Variants in DNAH5 observed in about 807,000 individuals in gnomAD.
DNAH5 encodes the protein axonemal beta dynein heavy chain 5.
A neutral mutation model predicts 518.2 loss-of-function variants in DNAH5; 372 were observed. The ratio of observed to expected loss-of-function variants is 0.72; its 90% CI spans 0.66 to 0.78. The LOEUF (loss-of-function observed/expected upper bound fraction) is 0.78. Among genes scored for constraint, DNAH5 ranks in the 30% least tolerant of loss-of-function variants. The pLI is 0.00. For missense variants in DNAH5, 5,523 were observed against 5,687.0 expected, an observed-to-expected ratio of 0.97 and a Z score of 0.93; for synonymous variants, 2,039 against 2,025.9, an observed-to-expected ratio of 1.01 and a Z score of -0.17.
chr5:13,922,082 A>T, intron 5 of DNAH5, 25 bp downstream of exon 5: 1 of 1,610,414 alleles, frequency 6.2e-7, no homozygotes, highest in Non-Finnish European at 8.5e-7. Flanking sequence ...GATCATTTTT[A>T]AAGGAACAGC....
Position 13,809,109 on chromosome 5 carries a change from G to T in DNAH5, c.7687C>A (p.Leu2563Met). Residue 2563 changes from leucine (L) to methionine (M), a missense_variant, in exon 46 of 79, where the codon CTG becomes ATG. Coordinates refer to ENST00000265104, the MANE Select transcript of DNAH5 (RefSeq NM_001369.3). ...SDTTPEYGSI[L>M]VPNVDNVRTD... ...CTCACATTGTCAACATTTGGCACCAGAATAGAACCATACTCTGGGGTGGTA... is the reference window on the plus strand; with the variant it reads ...CTCACATTGTCAACATTTGGCACCATAATAGAACCATACTCTGGGGTGGTA... The T allele has an allele frequency of 6.2e-7, 1 of 1,614,222 alleles. No homozygotes were observed. Among genetic ancestry groups the T allele is most frequent in the South Asian group, 1.1e-5 (1 of 91,086 alleles).
In DNAH5 at chr5:13,762,819, G is replaced by C. The variant is rs1260410113; in HGVS notation, c.10184C>G (p.Thr3395Ser). 1 of 1,614,044 alleles carries C rather than the reference G, an allele frequency of 6.2e-7. No homozygotes were observed. The highest frequency in any genetic ancestry group is 8.5e-7 in the Non-Finnish European group (1 of 1,179,894). ...TACATTTCCACATACGCGTTTAGCA[G>C]TTTCGATGTTATAGTCAGGCATTTC... The part of the protein sequence containing the change: ...YFEMPDYNIE[T>S]AKRVCGNVAG... The change falls in exon 60 of 79, where the codon ACT (threonine) becomes AGT (serine). Residue 3395 changes from threonine (T) to serine (S), a missense_variant. Coordinates refer to ENST00000265104, the MANE Select transcript of DNAH5 (RefSeq NM_001369.3).
At chr5:13,783,407 C>T (rs1243839073) in intron 52 of DNAH5, among the ~76,000 whole-genome samples, 1 of 152,128 alleles carries the variant, frequency 6.6e-6, no homozygotes, top group East Asian at 1.9e-4. Flanking sequence ...GACGGGAACC[C>T]ACCCTCCTAG....
intron 65 of DNAH5, among the ~76,000 whole-genome samples, chr5:13,747,350 C>T (rs539923388): frequency 7.9e-5 from 12 of 152,216 alleles, no homozygotes; most frequent in South Asian, 2.1e-4. Context: ...AATAAACATA[C>T]GTGTGCATGT....
chr5:13,736,135 T>C (rs1482402716), intron 66 of DNAH5, among the ~76,000 whole-genome samples: 1 of 152,242 alleles, frequency 6.6e-6, no homozygotes, highest in African/African-American at 2.4e-5. Flanking sequence ...ACTATTTGTA[T>C]TTATTAAATG....
chr5:13,760,579 T>C (rs1388097069), intron 60 of DNAH5, among the ~76,000 whole-genome samples: 1 of 152,214 alleles, frequency 6.6e-6, no homozygotes, highest in Non-Finnish European at 1.5e-5. Flanking sequence ...GAGAATCTCA[T>C]TATAAGGAAC....
intron 60 of DNAH5, among the ~76,000 whole-genome samples, chr5:13,759,310 ACT>A (rs1310831872): frequency 1.3e-5 from 2 of 152,140 alleles, no homozygotes; most frequent in East Asian, 1.9e-4. Context: ...TGTAAAACCT[ACT>A]CTTATTTCAC....
intron 32 of DNAH5, among the ~76,000 whole-genome samples, chr5:13,843,989 G>C (rs1765617998): frequency 6.6e-6 from 1 of 152,118 alleles, no homozygotes; most frequent in Non-Finnish European, 1.5e-5. Context: ...GGGAACCCCA[G>C]GCCAGCATCA....
chr5:13,739,778 C>T (rs1427508426), intron 65 of DNAH5, among the ~76,000 whole-genome samples: 1 of 152,194 alleles, frequency 6.6e-6, no homozygotes, highest in East Asian at 1.9e-4. Context: ...TACGCAAGTT[C>T]TTCCCTTTAG....
chr5:14,010,741 C>T (rs534909200), intron 1 of DNAH5, among the ~76,000 whole-genome samples: 5 of 152,128 alleles, frequency 3.3e-5, no homozygotes, highest in African/African-American at 1.2e-4. Context: ...TTTTGAGCAA[C>T]GTAAATATCT....
intron 24 of DNAH5, among the ~76,000 whole-genome samples, chr5:13,869,374 T>C (rs1338015869): frequency 6.6e-6 from 1 of 152,034 alleles, no homozygotes; most frequent in Non-Finnish European, 1.5e-5. Flanking sequence ...ATAACAAATA[T>C]AGTGACCCAC....
intron 65 of DNAH5, among the ~76,000 whole-genome samples, chr5:13,746,788 C>G (rs542395759): frequency 2.6e-4 from 39 of 152,132 alleles, no homozygotes; most frequent in African/African-American, 9.2e-4. Context: ...ACCCTTGGCT[C>G]ATTTTTTTTC....
intron 50 of DNAH5, 126 bp downstream of exon 50, chr5:13,791,868 A>G (rs112518824): frequency 1.3e-6 from 1 of 761,210 alleles, no homozygotes; most frequent in Non-Finnish European, 2.2e-6. Context: ...AAAGCAGTAA[A>G]GAATACCCAT....
In DNAH5 at chr5:13,867,855, C is replaced by T. The variant is rs2151913944; in HGVS notation, c.3972G>A (p.Gln1324=). 6.2e-7 allele frequency: 1 copy of T among 1,614,106 alleles called. No individual in the cohort carries two copies. The highest frequency in any genetic ancestry group is 8.5e-7 in the Non-Finnish European group (1 of 1,179,984). ...GEVQNKLVSL[Q]PSFKKELISA... is the part of the protein sequence containing the mutation. Reference sequence around the variant, plus strand: ...TAATAAGCTCTTTCTTGAAACTGGGCTGCAGTGAGACTAATTTATTCTGGA... The same window carrying T: ...TAATAAGCTCTTTCTTGAAACTGGGTTGCAGTGAGACTAATTTATTCTGGA... The change falls in exon 25 of 79, where the codon CAG becomes CAA. Residue 1324 remains glutamine (Q), a synonymous_variant. Coordinates refer to ENST00000265104, the MANE Select transcript of DNAH5 (RefSeq NM_001369.3).
intron 1 of DNAH5, among the ~76,000 whole-genome samples, chr5:13,975,138 G>T (rs2152060851): frequency 1.3e-5 from 2 of 152,304 alleles, no homozygotes; most frequent in South Asian, 4.1e-4. Context: ...AAAAGAAAGA[G>T]GTTTATTGGA....
chr5:13,830,265 C>T lies in DNAH5; in HGVS notation c.6062-52G>A, dbSNP rs1213970539. On this transcript the variant is annotated intron_variant, in intron 36 of 78. Transcript: ENST00000265104. Reference sequence around the variant, plus strand: ...CCAATTAGTATATAATTTTAGAAAACCAAGAAAAAGGATATTATGTAGCTG... The same window carrying T: ...CCAATTAGTATATAATTTTAGAAAATCAAGAAAAAGGATATTATGTAGCTG... 10 of 1,529,320 alleles carry T rather than the reference C, an allele frequency of 6.5e-6. No individual in the cohort carries two copies. In the Middle Eastern group the frequency reaches 5.1e-4, roughly 78 times the overall value. The allele number at this position is 1,529,320 out of a possible 1,614,324, so 94.7% of individuals were successfully genotyped here.
chr5:13,906,701 A>T (rs938575680), intron 12 of DNAH5, among the ~76,000 whole-genome samples: 3 of 152,222 alleles, frequency 2.0e-5, no homozygotes, highest in African/African-American at 7.2e-5. Flanking sequence ...TACAATAAAA[A>T]AGCTAAAAAT....
chr5:13,769,726 A>G, intron 56 of DNAH5, 111 bp from the exon 57 acceptor site: 2 of 946,638 alleles, frequency 2.1e-6, no homozygotes, highest in Non-Finnish European at 3.4e-6. Context: ...GATTGCATGT[A>G]TGCAAGTAGC....
intron 1 of DNAH5, chr5:13,932,190 C>A (rs1401536331): frequency 2.6e-5 from 4 of 152,212 alleles, no homozygotes; most frequent in African/African-American, 9.7e-5. Flanking sequence ...AAGCTCATGG[C>A]CTGGCTGGCA....
Sources: allele counts gnomAD v4.1 joint callset (sites outside exome capture counted in the v4.1 genomes callset), GRCh38; gene constraint gnomAD v4.1.1; transcripts MANE v1.5; gene names NCBI Gene and HGNC (gene_info 2026-07-23, HGNC 2026-07-21).